Variants in MEIKIN observed in about 807,000 individuals in gnomAD.
MEIKIN encodes meiotic kinetochore factor, also known as meiosis-specific kinetochore protein.
At chr5:131,897,447 G>A (rs1365834840) in intron 8 of MEIKIN, among the ~76,000 whole-genome samples, 1 of 152,154 alleles carries the variant, frequency 6.6e-6, no homozygotes, top group African/African-American at 2.4e-5. Context: ...TGCTAGGTTG[G>A]GGAAATTCTC....
chr5:131,888,723 C>T (rs946334539), intron 8 of MEIKIN, among the ~76,000 whole-genome samples: 1 of 152,178 alleles, frequency 6.6e-6, no homozygotes, highest in African/African-American at 2.4e-5. Context: ...AATTAGATCC[C>T]ATTTCTCAAT....
At chr5:131,852,417 T>C (rs1160859070) in intron 10 of MEIKIN, among the ~76,000 whole-genome samples, 2 of 152,146 alleles carry the variant, frequency 1.3e-5, no homozygotes, top group Non-Finnish European at 2.9e-5. Context: ...CTCTTTTCTT[T>C]ATAAGTTACC....
At position 131,819,443 on chromosome 5, in the gene MEIKIN, G is replaced by C. The variant is rs746344772; in HGVS notation, c.976-580C>G. ...GGGGGAGGGAGAGGGGGAGGGAGAG[G>C]AGGAGGGACAGGGGGAGGGAGGGGG... On this transcript the variant is annotated intron_variant, in intron 11 of 12. Transcript: ENST00000442687. 7.7e-3 allele frequency among the ~76,000 whole-genome samples: 389 copies of C among 50,594 alleles called. 6 individuals are homozygous for C. The highest frequency in any genetic ancestry group is 0.022 in the South Asian group (23 of 1,040). The allele number at this position is 50,594 out of a possible 152,430, so 33.2% of individuals were successfully genotyped here. A position where few individuals can be genotyped will look rare whatever the true frequency, so the allele number is the denominator to read the frequency against.
chr5:131,915,832 C>T (rs1211833556), intron 7 of MEIKIN, among the ~76,000 whole-genome samples: 1 of 151,982 alleles, frequency 6.6e-6, no homozygotes, highest in African/African-American at 2.4e-5. Flanking sequence ...GCTATGTTTT[C>T]TTTGCACATG....
chr5:131,839,767 G>C (rs567151844), intron 11 of MEIKIN, among the ~76,000 whole-genome samples: 243 of 152,248 alleles, frequency 1.6e-3, no homozygotes, highest in African/African-American at 4.6e-3. Context: ...GGGTCTCTTG[G>C]AGACAGCATA....
chr5:131,931,971 C>T lies in MEIKIN; in HGVS notation c.478+1542G>A, dbSNP rs142832001. On this transcript the variant is annotated intron_variant, in intron 5 of 12. Coordinates refer to ENST00000442687, the MANE Select transcript of MEIKIN (RefSeq NM_001303622.2). ...CCTATGGCCTAGGTGGGGCTTGTCA[C>T]ATAGTTGGCTTCACTGTAGGGTCTT... 1.0e-3 allele frequency among the ~76,000 whole-genome samples: 155 copies of T among 152,310 alleles called. No homozygotes were observed. The East Asian group carries it at 0.02, about 19-fold the overall frequency.
At position 131,873,363 on chromosome 5, in the gene MEIKIN, A is replaced by C. The variant is rs192141801; in HGVS notation, c.774+5615T>G. ...GGGTTGTAATCCTAGTCTCTGATAAAACAGACTTTAAACCAACAAAGATCA... is the reference window on the plus strand; with the variant it reads ...GGGTTGTAATCCTAGTCTCTGATAACACAGACTTTAAACCAACAAAGATCA... On this transcript the variant is annotated intron_variant, in intron 9 of 12. Transcript: ENST00000442687. Among the ~76,000 whole-genome samples the C allele has an allele frequency of 1.9e-3, 286 of 152,354 alleles. 2 individuals are homozygous for C. The highest frequency in any genetic ancestry group is 7.5e-3 in the Admixed American group (114 of 15,296).
At chr5:131,918,661 A>C (rs1391824150) in intron 6 of MEIKIN, among the ~76,000 whole-genome samples, 1 of 152,202 alleles carries the variant, frequency 6.6e-6, no homozygotes, top group African/African-American at 2.4e-5. Flanking sequence ...AAAGCAAAAT[A>C]CTTGGTTTCT....
At chr5:131,863,557 C>CTTTTTTTTTTATTTTTTTTTTTTTTT (rs1750325579) in intron 9 of MEIKIN, among the ~76,000 whole-genome samples, 1 of 68,434 alleles carries the variant, frequency 1.5e-5, no homozygotes, top group Non-Finnish European at 2.4e-5. Context: ...CTTCTTTGTC[C>CTTTTTTTTTTATTTTTTTTTTTTTTT]TTTTTTTTTT....
chr5:131,860,588 G>A (rs1225456115), intron 9 of MEIKIN, among the ~76,000 whole-genome samples: 1 of 148,130 alleles, frequency 6.8e-6, no homozygotes, highest in Non-Finnish European at 1.5e-5. Flanking sequence ...GGGATTATAG[G>A]CACCCACCAC....
intron 11 of MEIKIN, among the ~76,000 whole-genome samples, chr5:131,847,891 C>A (rs1318486480): frequency 2.0e-5 from 3 of 151,322 alleles, no homozygotes; most frequent in African/African-American, 7.3e-5. Flanking sequence ...AAAAATTCAA[C>A]AAACTGTGAA....
intron 8 of MEIKIN, among the ~76,000 whole-genome samples, chr5:131,903,732 G>A (rs1454985172): frequency 6.6e-6 from 1 of 152,004 alleles, no homozygotes; most frequent in East Asian, 1.9e-4. Context: ...ACACAAACAA[G>A]TATGCATAAT....
At chr5:131,839,565 G>A (rs4705839) in intron 11 of MEIKIN, among the ~76,000 whole-genome samples, 97,139 of 152,066 alleles carry the variant, frequency 0.64, 32,939 homozygotes, top group Non-Finnish European at 0.77. Flanking sequence ...ATTTAGAATA[G>A]TTAGATTTTC....
In MEIKIN at chr5:131,836,740, GT is replaced by G. The variant is rs796714140; in HGVS notation, c.975+14523del. 8.2e-3 allele frequency among the ~76,000 whole-genome samples: 1,160 copies of G among 141,518 alleles called. 9 individuals carry two copies. The highest frequency in any genetic ancestry group is 0.022 in the African/African-American group (843 of 38,946). The allele number at this position is 141,518 out of a possible 152,430, so 92.8% of individuals were successfully genotyped here. On this transcript the variant is annotated intron_variant, in intron 11 of 12. Coordinates refer to ENST00000442687, the MANE Select transcript of MEIKIN (RefSeq NM_001303622.2). ...GCATGTCCTTCGTCCACTTTTTAAT[GT>G]TTTTTTTTTTTCTTGTAAATCTGTT...
chr5:131,878,342 C>T (rs1386647662), intron 9 of MEIKIN, among the ~76,000 whole-genome samples: 1 of 152,014 alleles, frequency 6.6e-6, no homozygotes, highest in Admixed American at 6.6e-5. Flanking sequence ...CCGAGGCGGG[C>T]GGATCACGAG....
At chr5:131,833,902 C>T (rs1749756062) in intron 11 of MEIKIN, among the ~76,000 whole-genome samples, 1 of 152,176 alleles carries the variant, frequency 6.6e-6, no homozygotes, top group African/African-American at 2.4e-5. Context: ...AAATGTTTAT[C>T]TTTCCTTTGT....
At chr5:131,878,649 C>T (rs1333210370) in intron 9 of MEIKIN, among the ~76,000 whole-genome samples, 2 of 151,618 alleles carry the variant, frequency 1.3e-5, no homozygotes, top group African/African-American at 4.8e-5. Context: ...ATGGTAGGAT[C>T]GCTTGAGGCC....
intron 4 of MEIKIN, among the ~76,000 whole-genome samples, chr5:131,933,884 T>G (rs1369072997): frequency 3.3e-5 from 5 of 152,306 alleles, no homozygotes; most frequent in African/African-American, 1.2e-4. Flanking sequence ...TTTTCAAAGT[T>G]TTACAACTTA....
intron 8 of MEIKIN, among the ~76,000 whole-genome samples, chr5:131,905,142 GA>G (rs1417787486): frequency 6.6e-6 from 1 of 151,834 alleles, no homozygotes; most frequent in Non-Finnish European, 1.5e-5. Flanking sequence ...TTAAAGAAGT[GA>G]AAAAAACCCC....
Sources: allele counts gnomAD v4.1 joint callset (sites outside exome capture counted in the v4.1 genomes callset), GRCh38; gene constraint gnomAD v4.1.1; transcripts MANE v1.5; gene names NCBI Gene and HGNC (gene_info 2026-07-23, HGNC 2026-07-21).